Variants in XYLB observed in about 807,000 individuals in gnomAD.
XYLB encodes xylulose kinase.
XYLB carries 62 observed loss-of-function variants against 78.7 expected under a neutral mutation model. The ratio of observed to expected loss-of-function variants is 0.79; its 90% CI spans 0.64 to 0.97. XYLB has a LOEUF of 0.97. Ranked by LOEUF, XYLB falls within the 50% of genes least tolerant of loss-of-function variation. The pLI is 0.00. For synonymous variants in XYLB, 245 were observed against 247.4 expected, an observed-to-expected ratio of 0.99 and a Z score of 0.09; for missense variants, 687 against 676.8, an observed-to-expected ratio of 1.02 and a Z score of -0.17.
At chr3:38,411,526 A>T (rs181354070) in intron 18 of XYLB, among the ~76,000 whole-genome samples, 1 of 151,918 alleles carries the variant, frequency 6.6e-6, no homozygotes, top group African/African-American at 2.4e-5. Context: ...AACTTAAAGT[A>T]TAAAAAAAAA....
At chr3:38,434,389 T>C in the XYLB span, among the ~76,000 whole-genome samples, 48 of 152,054 alleles carry the variant, frequency 3.2e-4, no homozygotes, top group African/African-American at 1.2e-3. Flanking sequence ...AGCAGAAACC[T>C]TACAGGTCAG....
chr3:38,446,034 C>G, the XYLB span, among the ~76,000 whole-genome samples: 1 of 152,132 alleles, frequency 6.6e-6, no homozygotes, highest in Non-Finnish European at 1.5e-5. Context: ...AAAGGTGCCA[C>G]GGACCCAAAG....
chr3:38,428,781 A>G, the XYLB span, among the ~76,000 whole-genome samples: 1 of 152,176 alleles, frequency 6.6e-6, no homozygotes, highest in African/African-American at 2.4e-5. Context: ...TTTAAATCCC[A>G]CATCTTACTA....
At position 38,387,381 on chromosome 3, in the gene XYLB, G is replaced by A. The variant is rs146094749; in HGVS notation, c.1291+8039G>A. 1.0e-2 allele frequency among the ~76,000 whole-genome samples: 1,441 copies of A among 144,360 alleles called. 12 individuals carry two copies. Among genetic ancestry groups the A allele is most frequent in the Non-Finnish European group, 0.016 (1,034 of 65,712 alleles). The allele number at this position is 144,360 out of a possible 152,430, so 94.7% of individuals were successfully genotyped here. A position where few individuals can be genotyped will look rare whatever the true frequency, so the allele number is the denominator to read the frequency against. ...TTTTTGTTTTGTTTTGTTATGTTTT[G>A]TTTTTTTGAGACAGAGTCTTGCTCT... On this transcript the variant is annotated intron_variant, in intron 15 of 18. Coordinates refer to ENST00000207870, the MANE Select transcript of XYLB (RefSeq NM_005108.4).
chr3:38,374,767 G>A (rs1706761002), intron 11 of XYLB, among the ~76,000 whole-genome samples: 1 of 152,176 alleles, frequency 6.6e-6, no homozygotes, highest in Non-Finnish European at 1.5e-5. Flanking sequence ...CAGTCTTAGT[G>A]CATGCAGTGG....
At chr3:38,371,275 AT>A (rs59659938) in intron 9 of XYLB, among the ~76,000 whole-genome samples, 122,508 of 138,956 alleles carry the variant, frequency 0.88, 54,422 homozygotes, top group East Asian at 1. Context: ...TGCACAGCTA[AT>A]TTTTTTTTTT....
chr3:38,377,210 A>C (rs1348826378), intron 14 of XYLB, among the ~76,000 whole-genome samples: 1 of 151,772 alleles, frequency 6.6e-6, no homozygotes, highest in East Asian at 1.9e-4. Context: ...AATGCAGAAA[A>C]CCTGAGAGTT....
intron 9 of XYLB, among the ~76,000 whole-genome samples, chr3:38,372,130 CTT>C (rs998054465): frequency 2.0e-5 from 3 of 152,190 alleles, no homozygotes; most frequent in African/African-American, 7.2e-5. Flanking sequence ...CGTCATCCCT[CTT>C]TTTGCAGGTA....
At chr3:38,371,462 G>A (rs2669617) in intron 9 of XYLB, among the ~76,000 whole-genome samples, 7 of 152,230 alleles carry the variant, frequency 4.6e-5, no homozygotes, top group South Asian at 4.2e-4. Flanking sequence ...TTTTAGTAGA[G>A]ACGGGGTTTC....
Position 38,375,166 on chromosome 3 carries a change from C to A in XYLB, c.911C>A (p.Thr304Asn), listed in dbSNP as rs1020465896. The change falls in exon 12 of 19, where the codon ACC becomes AAC. Residue 304 changes from threonine (T) to asparagine (N), a missense_variant. Physicochemically the swap from Thr to Asn is moderately conservative, Grantham distance 65 (BLOSUM62 0). Transcript: ENST00000207870. Reference sequence around the variant, plus strand: ...CAGGTCAGCCTGGGCACCAGTGACACCCTGTTTCTCTGGCTCCAAGAGCCC... The same window carrying A: ...CAGGTCAGCCTGGGCACCAGTGACAACCTGTTTCTCTGGCTCCAAGAGCCC... The part of the protein sequence containing the change: ...DIAVSLGTSD[T>N]LFLWLQEPMP... 1.9e-6 allele frequency: 3 copies of A among 1,614,064 alleles called. No homozygotes were observed. Among genetic ancestry groups the A allele is most frequent in the Non-Finnish European group, 2.5e-6 (3 of 1,179,986 alleles).
At chr3:38,429,964 C>T in the XYLB span, among the ~76,000 whole-genome samples, 2 of 152,148 alleles carry the variant, frequency 1.3e-5, no homozygotes, top group Non-Finnish European at 2.9e-5. Context: ...CATTGATGGA[C>T]ATTTGGTTGG....
intron 18 of XYLB, among the ~76,000 whole-genome samples, chr3:38,407,125 G>T (rs1236549165): frequency 6.7e-6 from 1 of 148,318 alleles, no homozygotes; most frequent in Non-Finnish European, 1.5e-5. Flanking sequence ...GTTAAGGGCA[G>T]CCAGAGAGAA....
At chr3:38,416,455 C>T (rs1282414191), downstream of XYLB, among the ~76,000 whole-genome samples, 1 of 151,952 alleles carries the variant, frequency 6.6e-6, no homozygotes, top group Non-Finnish European at 1.5e-5. Context: ...AGTAAATGTA[C>T]CATCATACAG....
At chr3:38,377,995 TCAC>T (rs1274923336) in intron 14 of XYLB, among the ~76,000 whole-genome samples, 1 of 152,212 alleles carries the variant, frequency 6.6e-6, no homozygotes, top group Non-Finnish European at 1.5e-5. Context: ...TGGAGAGTCA[TCAC>T]CACATTTTGG....
At chr3:38,433,080 A>T in the XYLB span, among the ~76,000 whole-genome samples, 1 of 152,208 alleles carries the variant, frequency 6.6e-6, no homozygotes, top group Non-Finnish European at 1.5e-5. Flanking sequence ...CATGCATTTC[A>T]TCTGAAATCT....
At chr3:38,358,309 T>TTA (rs1553650579) in intron 2 of XYLB, among the ~76,000 whole-genome samples, 1 of 54,918 alleles carries the variant, frequency 1.8e-5, no homozygotes, top group Non-Finnish European at 3.7e-5. Context: ...CAGTTTTGTT[T>TTA]TGTGTGTGTG....
At chr3:38,410,771 C>T (rs36159229) in intron 18 of XYLB, among the ~76,000 whole-genome samples, 62,301 of 149,450 alleles carry the variant, frequency 0.42, 14,368 homozygotes, top group Non-Finnish European at 0.55. Context: ...CCAAAAGACA[C>T]ATGAAAAAAT....
chr3:38,366,926 A>G (rs1706296356), intron 7 of XYLB, 53 bp downstream of exon 7: 6 of 1,205,110 alleles, frequency 5.0e-6, no homozygotes, highest in East Asian at 4.7e-5. Flanking sequence ...TCTTTTCATA[A>G]TATGTTAGAA....
intron 14 of XYLB, among the ~76,000 whole-genome samples, chr3:38,378,694 C>T (rs897342744): frequency 5.3e-5 from 8 of 151,628 alleles, no homozygotes; most frequent in Non-Finnish European, 1.2e-4. Context: ...GGGATGGCGG[C>T]AGGTTCTAGC....
Sources: allele counts gnomAD v4.1 joint callset (sites outside exome capture counted in the v4.1 genomes callset), GRCh38; gene constraint gnomAD v4.1.1; transcripts MANE v1.5; gene names NCBI Gene and HGNC (gene_info 2026-07-23, HGNC 2026-07-21).